The following TCF4 variants were observed in gnomAD, a reference collection of about 807,000 sequenced individuals.
TCF4 encodes SL3-3 enhancer factor 2.
A neutral mutation model predicts 82.1 loss-of-function variants in TCF4; 3 were observed. That is an observed-to-expected ratio of 0.04 (90% confidence interval 0.02 to 0.09). The LOEUF (loss-of-function observed/expected upper bound fraction) is 0.09, where lower values mean the gene tolerates loss of function less well. TCF4 is among the 10% of genes least tolerant of loss of function. The pLI is 1.00. For missense variants in TCF4, 518 were observed against 852.7 expected (o/e 0.61, Z 4.89); for synonymous variants, 276 against 309.6 (o/e 0.89, Z 1.14).
chr18:55,465,683 CT>C (rs1477335064), intron 3 of TCF4, among the ~76,000 whole-genome samples: 1 of 152,180 alleles, frequency 6.6e-6, no homozygotes, highest in Non-Finnish European at 1.5e-5. Context: ...TTACAACCCT[CT>C]GGGATTCGCA....
At chr18:55,387,407 C>T (rs1035951575) in intron 6 of TCF4, among the ~76,000 whole-genome samples, 1 of 152,190 alleles carries the variant, frequency 6.6e-6, no homozygotes, top group Middle Eastern at 3.2e-3. Flanking sequence ...TACACACTAG[C>T]TTCTTAGTTA....
At chr18:55,475,483 A>G (rs1351617634) in intron 3 of TCF4, among the ~76,000 whole-genome samples, 1 of 152,252 alleles carries the variant, frequency 6.6e-6, no homozygotes, top group African/African-American at 2.4e-5. Context: ...ATGTATGATT[A>G]TAATTTGTCC....
At chr18:55,538,804 A>G (rs183719027) in intron 3 of TCF4, among the ~76,000 whole-genome samples, 3 of 152,180 alleles carry the variant, frequency 2.0e-5, no homozygotes, top group Non-Finnish European at 2.9e-5. Flanking sequence ...ATCTATCTTT[A>G]AAAAAATTGT....
At chr18:55,456,323 T>C (rs1603480596) in intron 5 of TCF4, among the ~76,000 whole-genome samples, 1 of 152,180 alleles carries the variant, frequency 6.6e-6, no homozygotes, top group African/African-American at 2.4e-5. Context: ...AGCTACCCTA[T>C]GGCGGTAAAT....
rs1603622044 is a variant in TCF4 at position 55,550,646 on chromosome 18, G to A, written c.145+34634C>T. The A allele has an allele frequency of 2.0e-5, 3 of 152,276 alleles. No individual in the cohort carries two copies. The South Asian group carries it at 6.2e-4, about 32-fold the overall frequency. The allele number at this position is 152,276 out of a possible 1,614,324, so 9.4% of individuals were successfully genotyped here. A position where few individuals can be genotyped will look rare whatever the true frequency, so the allele number is the denominator to read the frequency against. On this transcript the variant is annotated intron_variant, in intron 3 of 19. Coordinates refer to ENST00000354452, the MANE Select transcript of TCF4 (RefSeq NM_001083962.2). ...GAAAATTAAATTACAGGATTTTAGG[G>A]ACACATTCCAAACAATCCGTTTTCC...
At chr18:55,330,087 G>A (rs2077250524) in intron 8 of TCF4, among the ~76,000 whole-genome samples, 1 of 151,898 alleles carries the variant, frequency 6.6e-6, no homozygotes, top group Non-Finnish European at 1.5e-5. Context: ...CAAGGAAATG[G>A]TACAGAACAT....
chr18:55,281,368 A>G (rs1450204769), intron 8 of TCF4, among the ~76,000 whole-genome samples: 3 of 152,182 alleles, frequency 2.0e-5, no homozygotes, highest in Non-Finnish European at 4.4e-5. Context: ...ACAAGATGAA[A>G]GAAACATCAC....
intron 3 of TCF4, among the ~76,000 whole-genome samples, chr18:55,501,565 A>G (rs1018004744): frequency 4.6e-5 from 7 of 152,208 alleles, no homozygotes; most frequent in Non-Finnish European, 4.4e-5. Context: ...TTGAGTAGCA[A>G]CTAACACGGC....
In TCF4 at chr18:55,586,158, GCA is replaced by G. The variant is rs2097646579; in HGVS notation, c.73-808_73-807del. ...AGAAGGAGGAGGAGGAGGAGGAGCA[GCA>G]GCAGCAGCAGCAGCAGCAGCAGCAG... On this transcript the variant is annotated intron_variant, in intron 2 of 19. Coordinates refer to ENST00000354452, the MANE Select transcript of TCF4 (RefSeq NM_001083962.2). 139 of 119,070 alleles carry G rather than the reference GCA, an allele frequency of 1.2e-3. 7 individuals carry two copies. The highest frequency in any genetic ancestry group is 5.7e-3 in the South Asian group (60 of 10,502). The allele number at this position is 119,070 out of a possible 1,614,324, so 7.4% of individuals were successfully genotyped here. A position where few individuals can be genotyped will look rare whatever the true frequency, so the allele number is the denominator to read the frequency against.
At chr18:55,452,458 T>A (rs2095643905) in intron 5 of TCF4, 2 of 152,296 alleles carry the variant, frequency 1.3e-5, no homozygotes, top group African/African-American at 2.4e-5. Flanking sequence ...AGGAGAAAGA[T>A]CTTTGTCTGT....
chr18:55,427,355 A>G (rs1243803066), intron 5 of TCF4, among the ~76,000 whole-genome samples: 1 of 152,228 alleles, frequency 6.6e-6, no homozygotes, highest in African/African-American at 2.4e-5. Flanking sequence ...CATCTGAATT[A>G]GAGTAAATGA....
intron 5 of TCF4, among the ~76,000 whole-genome samples, chr18:55,422,700 C>T (rs932743478): frequency 2.6e-5 from 4 of 151,742 alleles, no homozygotes; most frequent in African/African-American, 7.3e-5. Flanking sequence ...GAATTGTGAG[C>T]GGAATGAAAC....
intron 8 of TCF4, among the ~76,000 whole-genome samples, chr18:55,287,477 C>T (rs761220358): frequency 1.3e-5 from 2 of 152,192 alleles, no homozygotes; most frequent in Admixed American, 6.5e-5. Context: ...AGTCACAAAA[C>T]GGTAAGAATT....
In TCF4 at chr18:55,240,302, T is replaced by A. The variant is rs969418867; in HGVS notation, c.1351-5619A>T. ...GTTACTTTTCTCTGTTGTTTTTCCA[T>A]TAACACAAAAGAAAAGCTGATGGGT... On this transcript the variant is annotated intron_variant, in intron 15 of 19. Coordinates refer to ENST00000354452, the MANE Select transcript of TCF4 (RefSeq NM_001083962.2). Among the ~76,000 whole-genome samples the A allele has an allele frequency of 2.0e-5, 3 of 152,188 alleles. No individual in the cohort carries two copies. In the East Asian group the frequency reaches 5.8e-4, roughly 29 times the overall value.
chr18:55,559,449 GT>G (rs1341354321), intron 3 of TCF4, among the ~76,000 whole-genome samples: 2 of 152,088 alleles, frequency 1.3e-5, no homozygotes, highest in Non-Finnish European at 2.9e-5. Context: ...TCATGATAAT[GT>G]TGTGTGTACA....
rs567028267 is a variant in TCF4 at position 55,224,252 on chromosome 18, ATATGTC to A, written c.*3777_*3782del. 27 of 152,368 alleles carry A rather than the reference ATATGTC, an allele frequency of 1.8e-4. No homozygotes were observed. The highest frequency in any genetic ancestry group is 6.3e-4 in the African/African-American group (26 of 41,428). The allele number at this position is 152,368 out of a possible 1,614,324, so 9.4% of individuals were successfully genotyped here. On this transcript the variant is annotated 3_prime_UTR_variant, in exon 20 of 20. Transcript: ENST00000354452. ...ACAGTTCATATATTTTCACCATTAC[ATATGTC>A]TATAATACTTGAAATGAGTATGGCA...
At chr18:55,474,075 G>GA (rs746837276) in intron 3 of TCF4, among the ~76,000 whole-genome samples, 8 of 152,182 alleles carry the variant, frequency 5.3e-5, no homozygotes, top group Non-Finnish European at 1.0e-4. Context: ...CACATATAAT[G>GA]AAAATCTGTA....
intron 5 of TCF4, among the ~76,000 whole-genome samples, chr18:55,438,478 C>T (rs1050001264): frequency 2.0e-5 from 3 of 152,078 alleles, no homozygotes; most frequent in Admixed American, 6.5e-5. Flanking sequence ...CATAAAGAAA[C>T]GCAAATGTGA....
Position 55,222,602 on chromosome 18 carries a change from T to C in TCF4, c.*5433A>G, listed in dbSNP as rs2046012261. The C allele has an allele frequency of 6.6e-6, 1 of 152,606 alleles. No homozygotes were observed. The highest frequency in any genetic ancestry group is 2.4e-5 in the African/African-American group (1 of 41,458). The allele number at this position is 152,606 out of a possible 1,614,324, so 9.5% of individuals were successfully genotyped here. On this transcript the variant is annotated 3_prime_UTR_variant, in exon 20 of 20. Transcript: ENST00000354452. ...AATTAGAAAGAATACAAGAGCAATA[T>C]TGGAGACATCCCCAAATACCACGTA...
Sources: gnomAD v4.1 joint callset for allele counts (sites outside exome capture counted in the v4.1 genomes callset) on GRCh38, gnomAD v4.1.1 for gene constraint, MANE v1.5 for transcripts, NCBI Gene and HGNC (gene_info 2026-07-23, HGNC 2026-07-21) for gene names.